FTO: variants seen among roughly 807,000 people sequenced by gnomAD.
The protein encoded by FTO is FTO alpha-ketoglutarate dependent dioxygenase.
A neutral mutation model predicts 63.9 loss-of-function variants in FTO; 47 were observed. The observed-to-expected ratio is 0.74, with a 90% CI of 0.58 to 0.94. The LOEUF (loss-of-function observed/expected upper bound fraction) is 0.94. FTO is among the 40% of genes least tolerant of loss of function. FTO has a pLI of 0.00. For missense variants in FTO, 562 were observed against 618.1 expected, an observed-to-expected ratio of 0.91 and a Z score of 0.96; for synonymous variants, 207 against 224.4, an observed-to-expected ratio of 0.92 and a Z score of 0.69.
chr16:53,808,702 A>G (rs747310897), intron 1 of FTO, among the ~76,000 whole-genome samples: 25 of 152,194 alleles, frequency 1.6e-4, no homozygotes, highest in Non-Finnish European at 2.6e-4. Context: ...TTATAAAGAC[A>G]TTGGGCATTG....
chr16:53,920,105 T>C (rs1292959765), intron 7 of FTO, among the ~76,000 whole-genome samples: 1 of 152,226 alleles, frequency 6.6e-6, no homozygotes, highest in African/African-American at 2.4e-5. Flanking sequence ...AGATTTATCC[T>C]AAATCTCAGT....
intron 5 of FTO, among the ~76,000 whole-genome samples, chr16:53,874,437 A>G (rs1478328952): frequency 1.3e-5 from 2 of 152,208 alleles, no homozygotes; most frequent in Non-Finnish European, 2.9e-5. Context: ...AGAATGGAAA[A>G]CTAAGAAATG....
At chr16:53,920,709 A>G (rs2081987835) in intron 7 of FTO, among the ~76,000 whole-genome samples, 1 of 152,068 alleles carries the variant, frequency 6.6e-6, no homozygotes, top group South Asian at 2.1e-4. Context: ...CAGTTTTTTC[A>G]TCTTTAAAAT....
At chr16:53,907,274 C>T (rs781548705) in intron 7 of FTO, among the ~76,000 whole-genome samples, 22 of 152,174 alleles carry the variant, frequency 1.4e-4, no homozygotes, top group Non-Finnish European at 2.4e-4. Flanking sequence ...ATGCTCAGAA[C>T]GCATTAGCCT....
intron 8 of FTO, chr16:54,071,166 G>A (rs1439989716): frequency 1.3e-5 from 2 of 152,210 alleles, no homozygotes; most frequent in Non-Finnish European, 2.9e-5. Flanking sequence ...CTGCCTGTTA[G>A]GGTGTCAAGA....
At chr16:54,104,611 C>G (rs1264683042) in intron 8 of FTO, among the ~76,000 whole-genome samples, 1 of 152,156 alleles carries the variant, frequency 6.6e-6, no homozygotes, top group Non-Finnish European at 1.5e-5. Context: ...TTGCCTGGCT[C>G]CTGAGGCCTC....
At chr16:53,759,735 G>A (rs904263728) in intron 1 of FTO, among the ~76,000 whole-genome samples, 15 of 149,434 alleles carry the variant, frequency 1.0e-4, no homozygotes, top group African/African-American at 2.2e-4. Flanking sequence ...AAATAATACA[G>A]GGTCATTTCC....
intron 8 of FTO, among the ~76,000 whole-genome samples, chr16:54,052,224 T>C (rs1478828645): frequency 6.6e-6 from 1 of 152,226 alleles, no homozygotes; most frequent in African/African-American, 2.4e-5. Flanking sequence ...AGACTTGCTC[T>C]CTTGCCAGAA....
At chr16:53,796,578 A>T (rs1396486229) in intron 1 of FTO, among the ~76,000 whole-genome samples, 4 of 152,214 alleles carry the variant, frequency 2.6e-5, no homozygotes, top group African/African-American at 9.6e-5. Flanking sequence ...CTAAGAAAAT[A>T]TGATACATTT....
intron 8 of FTO, among the ~76,000 whole-genome samples, chr16:53,973,893 G>T (rs1366053123): frequency 6.6e-6 from 1 of 152,150 alleles, no homozygotes; most frequent in Non-Finnish European, 1.5e-5. Flanking sequence ...TGAGTGAAAT[G>T]GACTAGGTAG....
chr16:54,086,662 C>T (rs1366147291), intron 8 of FTO, among the ~76,000 whole-genome samples: 1 of 152,156 alleles, frequency 6.6e-6, no homozygotes, highest in East Asian at 1.9e-4. Flanking sequence ...TATAATTTAC[C>T]AGCTATGGAT....
chr16:54,001,848 C>A (rs945269172), intron 8 of FTO, among the ~76,000 whole-genome samples: 3 of 152,188 alleles, frequency 2.0e-5, no homozygotes, highest in African/African-American at 4.8e-5. Context: ...CCCAGCATCC[C>A]TTGGGACCTG....
At chr16:53,946,009 T>A (rs1488996424) in intron 8 of FTO, among the ~76,000 whole-genome samples, 1 of 152,190 alleles carries the variant, frequency 6.6e-6, no homozygotes, top group East Asian at 1.9e-4. Context: ...ATTTTACAAA[T>A]TTACTCTGTA....
chr16:54,055,874 T>C (rs900614887), intron 8 of FTO, among the ~76,000 whole-genome samples: 1 of 152,250 alleles, frequency 6.6e-6, no homozygotes. Context: ...TTTCTGTCTC[T>C]ACCGATGGCT....
chr16:54,067,147 T>G (rs1162450301), intron 8 of FTO, among the ~76,000 whole-genome samples: 1 of 150,734 alleles, frequency 6.6e-6, no homozygotes, highest in African/African-American at 2.5e-5. Flanking sequence ...TTGTTTTTTT[T>G]TTGTTTTCTT....
rs2086978815 is a variant in FTO at position 54,116,986 on chromosome 16, TC to T, written c.*5073del. ...CTCAGAACCTTGTCAGCCAAGTTCT[TC>T]CTGCTCTCTGGCCCAAATCCTCCTC... On this transcript the variant is annotated 3_prime_UTR_variant, in exon 9 of 9. Coordinates refer to ENST00000471389, the MANE Select transcript of FTO (RefSeq NM_001080432.3). The T allele has an allele frequency of 6.6e-6, 1 of 152,372 alleles. No homozygotes were observed. The highest frequency in any genetic ancestry group is 1.5e-5 in the Non-Finnish European group (1 of 68,212). 9.4% of individuals were successfully genotyped at this position (152,372 alleles called of 1,614,324 possible).
chr16:53,858,151 A>G (rs1377779520), intron 4 of FTO, among the ~76,000 whole-genome samples: 1 of 152,190 alleles, frequency 6.6e-6, no homozygotes, highest in South Asian at 2.1e-4. Context: ...ATAGTTTGCA[A>G]ATTCTCTACA....
intron 8 of FTO, among the ~76,000 whole-genome samples, chr16:54,020,325 G>A (rs889118790): frequency 3.9e-5 from 6 of 152,104 alleles, no homozygotes; most frequent in Non-Finnish European, 7.4e-5. Flanking sequence ...CTTCACCCTG[G>A]TAGATGAGAA....
chr16:53,982,671 CTCTGCAGCTGTTGAAACT>C (rs2083575019), intron 8 of FTO, among the ~76,000 whole-genome samples: 1 of 152,204 alleles, frequency 6.6e-6, no homozygotes, highest in Non-Finnish European at 1.5e-5. Context: ...CCTAACTGGG[CTCTGCAGCTGTTGAAACT>C]TCATCACCTT....
Sources: gnomAD v4.1 joint callset for allele counts (sites outside exome capture counted in the v4.1 genomes callset) on GRCh38, gnomAD v4.1.1 for gene constraint, MANE v1.5 for transcripts, NCBI Gene and HGNC (gene_info 2026-07-23, HGNC 2026-07-21) for gene names.